The following ERCC3 variants were observed in gnomAD, a reference collection of about 807,000 sequenced individuals.
The protein encoded by ERCC3 is general transcription and DNA repair factor IIH helicase/translocase subunit XPB.
ERCC3 carries 66 observed loss-of-function variants against 94.2 expected under a neutral mutation model. The observed-to-expected ratio is 0.70, with a 90% confidence interval of 0.57 to 0.86. The LOEUF is 0.86. Among genes scored for constraint, ERCC3 ranks in the 40% least tolerant of loss-of-function variants. The pLI, the probability that ERCC3 is intolerant of heterozygous loss-of-function variation, is 0.00. For missense variants in ERCC3, 829 were observed against 987.1 expected (o/e 0.84, Z 2.15); for synonymous variants, 349 against 369.1 (o/e 0.95, Z 0.63).
chr2:127,273,726 G>A (rs1231404760), intron 10 of ERCC3, among the ~76,000 whole-genome samples: 3 of 87,050 alleles, frequency 3.4e-5, no homozygotes, highest in Admixed American at 4.0e-4. Context: ...TCCACCCTGG[G>A]AAACAAGAGT....
rs781533251 is a variant in ERCC3, at chr2:127,289,674, C to T, written c.657+15G>A. ...TGCCTGCCCCCACCCAAGGGTGGCC[C>T]AGGAGTCCACATACGGCAGATTTGC... On this transcript the variant is annotated intron_variant, in intron 5 of 14. Coordinates refer to ENST00000285398, the MANE Select transcript of ERCC3 (RefSeq NM_000122.2). The T allele has an allele frequency of 3.1e-6, 5 of 1,613,868 alleles. No individual in the cohort carries two copies. In the Admixed American group the frequency reaches 8.3e-5, roughly 27 times the overall value.
intron 10 of ERCC3, 87 bp from the exon 11 acceptor site, chr2:127,273,048 A>T: frequency 1.2e-6 from 1 of 857,308 alleles, no homozygotes; most frequent in East Asian, 2.5e-5. Context: ...AGCTCAGGCT[A>T]GCTCTTCTCA....
rs1251220480 is a variant in ERCC3, at chr2:127,264,510, A to T, written c.1946-3164T>A. 2.0e-5 allele frequency among the ~76,000 whole-genome samples: 3 copies of T among 152,192 alleles called. No individual in the cohort carries two copies. Among genetic ancestry groups the T allele is most frequent in the Non-Finnish European group, 4.4e-5 (3 of 68,036 alleles). ...TTTCTGTGTCTATTAGGATAATTAT[A>T]TGCTTTTCATTTTTAATTATGTGGT... On this transcript the variant is annotated intron_variant, in intron 12 of 14. Coordinates refer to ENST00000285398, the MANE Select transcript of ERCC3 (RefSeq NM_000122.2). This position sits in a 1 kb window ranked among gnomAD's most constrained non-coding sequence, Gnocchi z 4.4.
In ERCC3 at chr2:127,274,502, G is replaced by C. The variant is rs1684671813; in HGVS notation, c.1731-1541C>G. On this transcript the variant is annotated intron_variant, in intron 10 of 14. Transcript: ENST00000285398. The surrounding 1 kb of genome is among the most constrained non-coding windows in gnomAD (Gnocchi z 4.0). ...GAGGCCCGTTAGCACCCAGAGCAGTGCCCATTAATGGATGTACCTCAAAGA... is the reference window on the plus strand; with the variant it reads ...GAGGCCCGTTAGCACCCAGAGCAGTCCCCATTAATGGATGTACCTCAAAGA... Among the ~76,000 whole-genome samples, 1 of 152,182 alleles carries C rather than the reference G, an allele frequency of 6.6e-6. No homozygotes were observed. The highest frequency in any genetic ancestry group is 1.5e-5 in the Non-Finnish European group (1 of 68,030).
chr2:127,272,932 C>T lies in ERCC3; in HGVS notation c.1760G>A (p.Gly587Glu), dbSNP rs1684606993. 10 of 1,612,966 alleles carry T rather than the reference C, an allele frequency of 6.2e-6. No individual in the cohort carries two copies. The highest frequency in any genetic ancestry group is 8.5e-6 in the Non-Finnish European group (10 of 1,178,986). Residue 587 changes from glycine (G) to glutamate (E), a missense_variant, in exon 11 of 15, where the codon GGG becomes GAG. Physicochemically the swap from Gly to Glu is moderately conservative, Grantham distance 98. Transcript: ENST00000285398. ...ATTCTGGAGAATTTGCATCCTTTCC[C>T]CCTGAGACGTAGGTCCGTAGATATA... ...KPYIYGPTSQ[G>E]ERMQILQNFK...
Position 127,279,090 on chromosome 2 carries a change from A to C in ERCC3, c.1730+83T>G. ...AAGAAGTTCCTGAGAGAAAAACAAA[A>C]AAACAAAACAACAGCCACCTTCTGC... On this transcript the variant is annotated intron_variant, in intron 10 of 14. Coordinates refer to ENST00000285398, the MANE Select transcript of ERCC3 (RefSeq NM_000122.2). This position sits in a 1 kb window ranked among gnomAD's most constrained non-coding sequence, Gnocchi z 4.7. 1.0e-6 allele frequency: 1 copy of C among 968,292 alleles called. No individual in the cohort carries two copies. Among genetic ancestry groups the C allele is most frequent in the Non-Finnish European group, 1.6e-6 (1 of 614,108 alleles). The allele number at this position is 968,292 out of a possible 1,614,324, so 60.0% of individuals were successfully genotyped here.
At position 127,290,331 on chromosome 2, in the gene ERCC3, T is replaced by C. The variant is rs1685225494; in HGVS notation, c.472-58A>G. 10 of 1,348,492 alleles carry C rather than the reference T, an allele frequency of 7.4e-6. No individual in the cohort carries two copies. The South Asian group carries it at 1.1e-4, about 14-fold the overall frequency. 83.5% of individuals were successfully genotyped at this position (1,348,492 alleles called of 1,614,324 possible). A position where few individuals can be genotyped will look rare whatever the true frequency, so the allele number is the denominator to read the frequency against. On this transcript the variant is annotated intron_variant, in intron 3 of 14. Transcript: ENST00000285398. ...GTGCAGCTAACTCAGAACACATTCA[T>C]TACTGGTCACATCTTACACCTACCA...
At chr2:127,287,502 C>T (rs1377911841) in intron 7 of ERCC3, among the ~76,000 whole-genome samples, 1 of 151,996 alleles carries the variant, frequency 6.6e-6, no homozygotes, top group African/African-American at 2.4e-5. Flanking sequence ...GGCATGGTGG[C>T]GGGCGCCTAT....
rs761454370 is a variant in ERCC3 at position 127,288,879 on chromosome 2, C to T, written c.823-15G>A. 2.5e-6 allele frequency: 4 copies of T among 1,602,560 alleles called. No homozygotes were observed. Among genetic ancestry groups the T allele is most frequent in the Admixed American group, 1.7e-5 (1 of 59,978 alleles). On this transcript the variant is annotated splice_polypyrimidine_tract_variant and intron_variant, in intron 6 of 14. Transcript: ENST00000285398. Reference sequence around the variant, plus strand: ...TCAATCATTTCCTGGAAAGAGGGCACAAAAGGGGTTTTAAAATCTTGTTAC... The same window carrying T: ...TCAATCATTTCCTGGAAAGAGGGCATAAAAGGGGTTTTAAAATCTTGTTAC...
chr2:127,259,283 C>G lies in ERCC3; in HGVS notation c.2217+13G>C. ...AGCACTGACACCTGGAACCTCCTCA[C>G]CCATTTACTCACCTGGCTGGATCTG... is the stretch of plus-strand genomic sequence containing the variant. On this transcript the variant is annotated intron_variant, in intron 14 of 14. Coordinates refer to ENST00000285398, the MANE Select transcript of ERCC3 (RefSeq NM_000122.2). This position sits in a 1 kb window ranked among gnomAD's most constrained non-coding sequence, Gnocchi z 4.9. The G allele has an allele frequency of 6.2e-7, 1 of 1,614,166 alleles. No individual in the cohort carries two copies. Among genetic ancestry groups the G allele is most frequent in the South Asian group, 1.1e-5 (1 of 91,072 alleles).
At position 127,293,660 on chromosome 2, in the gene ERCC3, G is replaced by A; in HGVS notation, c.87C>T (p.Ala29=). The A allele has an allele frequency of 6.2e-7, 1 of 1,614,082 alleles. No individual in the cohort carries two copies. Residue 29 remains alanine, a synonymous_variant, in exon 2 of 15, where the codon GCC becomes GCT. Transcript: ENST00000285398. ...YEDEEDDEED[A]PGNDPQEAVP... is the part of the protein sequence containing the mutation. ...CCGCTTCCTGAGGGTCGTTCCCCGGGGCGTCCTCTTCATCATCCTCTTCAT... is the reference window on the plus strand; with the variant it reads ...CCGCTTCCTGAGGGTCGTTCCCCGGAGCGTCCTCTTCATCATCCTCTTCAT...
chr2:127,294,035 T>C lies in ERCC3; in HGVS notation c.28+19A>G, dbSNP rs1252785169. 5 of 1,603,764 alleles carry C rather than the reference T, an allele frequency of 3.1e-6. No homozygotes were observed. In the East Asian group the frequency reaches 1.1e-4, roughly 36 times the overall value. On this transcript the variant is annotated intron_variant, in intron 1 of 14. Coordinates refer to ENST00000285398, the MANE Select transcript of ERCC3 (RefSeq NM_000122.2). Reference sequence around the variant, plus strand: ...CGGCAAGGGCAGTCGTGGCTGAGCGTGCCCGCGCAACGTCTCACCGCGGTC... The same window carrying C: ...CGGCAAGGGCAGTCGTGGCTGAGCGCGCCCGCGCAACGTCTCACCGCGGTC...
chr2:127,294,116 T>A lies in ERCC3; in HGVS notation c.-35A>T. ...AGCAGCAGAGAGAAGATGACCCCGCTCCCACAGGCCCGCCGCGGCATCCGC... is the reference window on the plus strand; with the variant it reads ...AGCAGCAGAGAGAAGATGACCCCGCACCCACAGGCCCGCCGCGGCATCCGC... On this transcript the variant is annotated 5_prime_UTR_variant, in exon 1 of 15. Transcript: ENST00000285398. 6.2e-7 allele frequency: 1 copy of A among 1,602,282 alleles called. No homozygotes were observed. The highest frequency in any genetic ancestry group is 8.5e-7 in the Non-Finnish European group (1 of 1,178,098).
At chr2:127,272,007 CTTTTTTT>C (rs59921131) in intron 11 of ERCC3, among the ~76,000 whole-genome samples, 1 of 63,032 alleles carries the variant, frequency 1.6e-5, no homozygotes, top group African/African-American at 6.5e-5. Flanking sequence ...AATCTCATTT[CTTTTTTT>C]TTTTTTTTTT....
intron 8 of ERCC3, 118 bp downstream of exon 8, chr2:127,286,585 A>G: frequency 2.1e-6 from 2 of 957,610 alleles, no homozygotes; most frequent in Non-Finnish European, 3.4e-6. Context: ...TTACCCAGCA[A>G]GCCAGCAAGT....
rs1261926975 is a variant in ERCC3, at chr2:127,280,066, T to C, written c.1527+381A>G. Reference sequence around the variant, plus strand: ...ACTTCCCAGCAGGGCTGGGAGCATATCAGTTAGGCGCTTGGGGCTATCAGA... The same window carrying C: ...ACTTCCCAGCAGGGCTGGGAGCATACCAGTTAGGCGCTTGGGGCTATCAGA... On this transcript the variant is annotated intron_variant, in intron 9 of 14. Coordinates refer to ENST00000285398, the MANE Select transcript of ERCC3 (RefSeq NM_000122.2). The surrounding 1 kb of genome is among the most constrained non-coding windows in gnomAD (Gnocchi z 6.3). 6.6e-6 allele frequency among the ~76,000 whole-genome samples: 1 copy of C among 151,994 alleles called. No homozygotes were observed. The highest frequency in any genetic ancestry group is 1.9e-4 in the East Asian group (1 of 5,178).
chr2:127,288,083 C>A (rs1403158287), intron 7 of ERCC3, among the ~76,000 whole-genome samples: 4 of 152,138 alleles, frequency 2.6e-5, no homozygotes, highest in Non-Finnish European at 4.4e-5. Flanking sequence ...TCAGTGGGGT[C>A]CCAAGGTGAG....
At position 127,279,373 on chromosome 2, in the gene ERCC3, G is replaced by T. The variant is rs967389450; in HGVS notation, c.1530C>A (p.Val510=). ...GYIAKVQCAE[V]WCPMSPEFYR... is the part of the protein sequence containing the mutation. ...AAAATTCAGGAGACATAGGGCACCA[G>T]ACCTGTAATACAGTAAGAACCAGGG... The change falls in exon 10 of 15, where the codon GTC becomes GTA. Residue 510 remains valine (V), a splice_region_variant and synonymous_variant. Coordinates refer to ENST00000285398, the MANE Select transcript of ERCC3 (RefSeq NM_000122.2). The surrounding 1 kb of genome is among the most constrained non-coding windows in gnomAD (Gnocchi z 4.7). 3 of 1,610,912 alleles carry T rather than the reference G, an allele frequency of 1.9e-6. No homozygotes were observed. The highest frequency in any genetic ancestry group is 2.5e-6 in the Non-Finnish European group (3 of 1,177,202).
intron 12 of ERCC3, chr2:127,262,898 C>CCG (rs1684239296): frequency 6.6e-6 from 1 of 152,148 alleles, no homozygotes; most frequent in Non-Finnish European, 1.5e-5. Flanking sequence ...TTCCCCAGCA[C>CCG]CATTTATTGA....
Sources: gnomAD v4.1 joint callset for allele counts (sites outside exome capture counted in the v4.1 genomes callset) on GRCh38, gnomAD v4.1.1 for gene constraint, Gnocchi (gnomAD v3.1) non-coding constraint, MANE v1.5 for transcripts, NCBI Gene and HGNC (gene_info 2026-07-23, HGNC 2026-07-21) for gene names.